SRGAP1: variants seen among roughly 807,000 people sequenced by gnomAD.
The protein encoded by SRGAP1 is SLIT-ROBO Rho GTPase-activating protein 1.
Under a neutral mutation model 121.9 loss-of-function variants are expected in SRGAP1, and 43 were observed. The observed-to-expected ratio is 0.35, with a 90% CI of 0.28 to 0.46. The LOEUF is 0.46. SRGAP1 is among the 20% of genes least tolerant of loss of function. SRGAP1 has a pLI of 1.00. For synonymous variants in SRGAP1, 447 were observed against 485.4 expected, an observed-to-expected ratio of 0.92 and a Z score of 1.04; for missense variants, 1,102 against 1,350.9, an observed-to-expected ratio of 0.82 and a Z score of 2.89.
chr12:64,064,469 T>G (rs767494020), intron 7 of SRGAP1, among the ~76,000 whole-genome samples: 1 of 152,202 alleles, frequency 6.6e-6, no homozygotes, highest in African/African-American at 2.4e-5. Context: ...TTGGCTGATA[T>G]TGGTTAGGGA....
intron 1 of SRGAP1, among the ~76,000 whole-genome samples, chr12:63,939,079 C>G (rs902547592): frequency 6.6e-6 from 1 of 150,488 alleles, no homozygotes; most frequent in African/African-American, 2.5e-5. Flanking sequence ...CACTTGAGTC[C>G]AGGAGATCAA....
At position 63,984,066 on chromosome 12, in the gene SRGAP1, T is replaced by C; in HGVS notation, c.187T>C (p.Tyr63His). The change falls in exon 2 of 22, where the codon TAT (tyrosine) becomes CAT (histidine). Residue 63 changes from tyrosine (Y) to histidine (H), a missense_variant. By Grantham distance (83) the Tyr-to-His change is moderately conservative. This residue lies in a region of SRGAP1 where 747 missense variants were observed against 929.4 expected (regional missense o/e 0.80). Coordinates refer to ENST00000355086, the MANE Select transcript of SRGAP1 (RefSeq NM_020762.4). ...AAAAAAAGCTGAAATTGAGACGGAA[T>C]ATTCCCGGAATCTAGAGAAGTTAGC... Reference protein sequence around the residue: ...FRKKAEIETEYSRNLEKLAER... With the variant: ...FRKKAEIETEHSRNLEKLAER... The C allele has an allele frequency of 6.4e-7, 1 of 1,555,240 alleles. No homozygotes were observed. The highest frequency in any genetic ancestry group is 8.7e-7 in the Non-Finnish European group (1 of 1,143,962).
At chr12:63,952,904 T>C (rs7962968) in intron 1 of SRGAP1, among the ~76,000 whole-genome samples, 73,314 of 151,908 alleles carry the variant, frequency 0.48, 17,812 homozygotes, top group Middle Eastern at 0.55. Context: ...CCTCAGCCCC[T>C]CAAAGTACTG....
intron 9 of SRGAP1, 110 bp downstream of exon 9, chr12:64,079,226 C>T (rs988951104): frequency 5.3e-6 from 6 of 1,131,226 alleles, no homozygotes; most frequent in African/African-American, 4.7e-5. Context: ...TTAAAATAGA[C>T]TCCTGTCTAC....
At chr12:63,907,602 G>GT (rs1416844274) in intron 1 of SRGAP1, among the ~76,000 whole-genome samples, 1 of 151,970 alleles carries the variant, frequency 6.6e-6, no homozygotes, top group Non-Finnish European at 1.5e-5. Context: ...AGTTGTAAGA[G>GT]TTCTTTATAT....
chr12:64,135,331 T>C (rs923845275), intron 21 of SRGAP1, among the ~76,000 whole-genome samples: 1 of 152,164 alleles, frequency 6.6e-6, no homozygotes, highest in Admixed American at 6.6e-5. Context: ...TAAGAACTCG[T>C]GTCTGGTTCT....
intron 21 of SRGAP1, among the ~76,000 whole-genome samples, chr12:64,141,397 T>C (rs1176033856): frequency 1.3e-5 from 2 of 150,140 alleles, no homozygotes; most frequent in African/African-American, 4.9e-5. Context: ...CTGGCCAACA[T>C]GGTGAAACCC....
At chr12:64,025,191 GAA>G (rs1280045292) in intron 4 of SRGAP1, among the ~76,000 whole-genome samples, 2 of 151,256 alleles carry the variant, frequency 1.3e-5, no homozygotes, top group Non-Finnish European at 2.9e-5. Context: ...TAGAGGGAAT[GAA>G]AAGATGCTGT....
rs745738982 is a variant in SRGAP1, at chr12:64,091,368, C to T, written c.1529C>T (p.Thr510Ile). ...AAGTTGTTTAATGGGGATTTGGAAA[C>T]ATTCGTCAAGGTACTGGCACCAGCC... ...NTKLFNGDLE[T>I]FVKDSGQVIP... The change falls in exon 12 of 22, where the codon ACA becomes ATA. Residue 510 changes from threonine to isoleucine, a missense_variant. Transcript: ENST00000355086. 2.5e-6 allele frequency: 4 copies of T among 1,604,960 alleles called. No homozygotes were observed. The Admixed American group carries it at 5.0e-5, about 20-fold the overall frequency.
At chr12:63,979,259 C>T (rs1015749341) in intron 1 of SRGAP1, among the ~76,000 whole-genome samples, 20 of 151,936 alleles carry the variant, frequency 1.3e-4, no homozygotes, top group Admixed American at 8.5e-4. Context: ...AGGATGGTCT[C>T]GATCTCTTGA....
Position 64,152,415 on chromosome 12 carries a change from C to T in SRGAP1, c.*9743C>T, listed in dbSNP as rs965191970. 6.6e-5 allele frequency: 10 copies of T among 152,368 alleles called. No homozygotes were observed. The East Asian group carries it at 1.5e-3, about 23-fold the overall frequency. 9.4% of individuals were successfully genotyped at this position (152,368 alleles called of 1,614,324 possible). On this transcript the variant is annotated 3_prime_UTR_variant, in exon 22 of 22. Transcript: ENST00000355086. ...GTCATTACCCTGCTCAAAAGCCACA[C>T]GTGGGTCCCCACTGCTGCAGGACGG...
chr12:63,919,709 CT>C (rs1347571340), intron 1 of SRGAP1, among the ~76,000 whole-genome samples: 1 of 151,900 alleles, frequency 6.6e-6, no homozygotes, highest in Non-Finnish European at 1.5e-5. Flanking sequence ...TTTCTCTTGC[CT>C]TTTTTTAAAA....
chr12:64,012,666 C>T (rs981045646), intron 3 of SRGAP1, among the ~76,000 whole-genome samples: 55 of 149,788 alleles, frequency 3.7e-4, no homozygotes, highest in African/African-American at 1.3e-3. Context: ...GATCCTCCCA[C>T]CTCAGCCTCT....
At chr12:63,906,921 G>A (rs1165913413) in intron 1 of SRGAP1, among the ~76,000 whole-genome samples, 1 of 151,424 alleles carries the variant, frequency 6.6e-6, no homozygotes, top group East Asian at 1.9e-4. Flanking sequence ...TGATACCCAG[G>A]CTAGAGTGCA....
rs192985635 is a variant in SRGAP1 at position 63,926,786 on chromosome 12, C to T, written c.68-57161C>T. Among the ~76,000 whole-genome samples, 1,116 of 152,142 alleles carry T rather than the reference C, an allele frequency of 7.3e-3. 18 individuals carry two copies. The highest frequency in any genetic ancestry group is 0.026 in the African/African-American group (1,068 of 41,482). ...CCTGATGTACAGTAGGTCTCAAAAC[C>T]TATTCCTTTTCCCAATGTGAAACTT... On this transcript the variant is annotated intron_variant, in intron 1 of 21. Transcript: ENST00000355086.
intron 18 of SRGAP1, among the ~76,000 whole-genome samples, chr12:64,119,319 AAC>A (rs766903946): frequency 6.6e-6 from 1 of 152,200 alleles, no homozygotes; most frequent in Non-Finnish European, 1.5e-5. Flanking sequence ...TTCATAAAGC[AAC>A]ACCTCTGCTT....
At chr12:64,050,976 G>A (rs187347486) in intron 6 of SRGAP1, among the ~76,000 whole-genome samples, 9 of 152,092 alleles carry the variant, frequency 5.9e-5, no homozygotes, top group Admixed American at 3.9e-4. Context: ...TGCCTACCTC[G>A]GCCTCCCAAA....
intron 4 of SRGAP1, chr12:64,032,643 C>T (rs564788851): frequency 1.1e-4 from 36 of 335,174 alleles, no homozygotes; most frequent in Non-Finnish European, 1.5e-4. Context: ...TTCTGGATGA[C>T]GTGATTTCCT....
At chr12:64,015,790 C>A (rs2034386762) in intron 3 of SRGAP1, among the ~76,000 whole-genome samples, 1 of 152,122 alleles carries the variant, frequency 6.6e-6, no homozygotes, top group South Asian at 2.1e-4. Flanking sequence ...CACTGATAGT[C>A]CAGTGAGAGG....
Sources: gnomAD v4.1 joint callset for allele counts (sites outside exome capture counted in the v4.1 genomes callset) on GRCh38, gnomAD v4.1.1 for gene constraint, gnomAD v4.1.1 regional missense constraint, MANE v1.5 for transcripts, NCBI Gene and HGNC (gene_info 2026-07-23, HGNC 2026-07-21) for gene names.